Variants in LILRB2 observed in about 807,000 individuals in gnomAD.
LILRB2 encodes the protein leukocyte immunoglobulin like receptor B2, also known as leukocyte immunoglobulin-like receptor subfamily B member 2.
In LILRB2, 47 loss-of-function variants were observed where a neutral mutation model predicts 72.7. The observed-to-expected ratio is 0.65, with a 90% CI of 0.51 to 0.82. The LOEUF (loss-of-function observed/expected upper bound fraction) is 0.82, where lower values mean the gene tolerates loss of function less well. Ranked by LOEUF, LILRB2 falls within the 40% of genes least tolerant of loss-of-function variation. LILRB2 has a pLI of 0.00. For missense variants in LILRB2, 767 were observed against 764.8 expected, an observed-to-expected ratio of 1.00 and a Z score of -0.03; for synonymous variants, 279 against 313.7, an observed-to-expected ratio of 0.89 and a Z score of 1.17.
chr19:54,277,464 C>T, intron 9 of LILRB2, 86 bp downstream of exon 9: 5 of 1,531,348 alleles, frequency 3.3e-6, no homozygotes, highest in Non-Finnish European at 4.4e-6. Flanking sequence ...TACATCACCA[C>T]CTCCAGAGGA....
chr19:54,280,243 G>A (rs2080486422), intron 3 of LILRB2, 21 bp downstream of exon 3: 1 of 1,613,704 alleles, frequency 6.2e-7, no homozygotes. Flanking sequence ...AGGGACCTGG[G>A]AGAGCTGGGG....
At chr19:54,275,023 G>A (rs183838614) in intron 13 of LILRB2, 194 bp from the exon 14 acceptor site, 54 of 1,603,936 alleles carry the variant, frequency 3.4e-5, no homozygotes, top group South Asian at 3.0e-4. Context: ...GTGTTTCACC[G>A]GGGCATATGT....
Position 54,279,576 on chromosome 19 carries a change from G to T in LILRB2, c.427C>A (p.Gln143Lys). 6.2e-7 allele frequency: 1 copy of T among 1,614,164 alleles called. No homozygotes were observed. Among genetic ancestry groups the T allele is most frequent in the Non-Finnish European group, 8.5e-7 (1 of 1,180,006 alleles). Residue 143 changes from glutamine (Q) to lysine (K), a missense_variant, in exon 5 of 14, where the codon CAG becomes AAG. Gln to Lys is a moderately conservative substitution (Grantham distance 53). Transcript: ENST00000314446. ...CCAAATGCCACCTGTGACTCACACT[G>T]GAGGGTCACCCTTCCTCCTGAGGTC... ...VVTSGGRVTL[Q>K]CESQVAFGGF...
intron 9 of LILRB2, 52 bp downstream of exon 9, chr19:54,277,498 C>A: frequency 6.4e-7 from 1 of 1,550,710 alleles, no homozygotes; most frequent in Non-Finnish European, 8.7e-7. Flanking sequence ...ACAGAACCCA[C>A]CCCTGCCTCC....
chr19:54,277,217 A>G (rs1362703364), intron 9 of LILRB2: 3 of 1,536,212 alleles, frequency 2.0e-6, no homozygotes, highest in African/African-American at 1.4e-5. Context: ...CTGCAGGGAA[A>G]GAGCCTTACC....
Position 54,279,468 on chromosome 19 carries a change from C to T in LILRB2, c.535G>A (p.Ala179Thr), listed in dbSNP as rs771068803. The T allele has an allele frequency of 9.9e-6, 16 of 1,614,038 alleles. No individual in the cohort carries two copies. Among genetic ancestry groups the T allele is most frequent in the African/African-American group, 4.0e-5 (3 of 74,916 alleles). The change falls in exon 5 of 14, where the codon GCC becomes ACC. Residue 179 changes from alanine (A) to threonine (T), a missense_variant. Coordinates refer to ENST00000314446, the MANE Select transcript of LILRB2 (RefSeq NM_001080978.4). ...SQPHARGSSR[A>T]IFSVGPVSPN... The stretch of plus-strand genomic sequence containing the variant: ...CTCACGGGGCCCACGGAGAAGATGG[C>T]GCGGGACGACCCACGGGCATGGGGC...
rs1247431387 is a variant in LILRB2 at position 54,274,732 on chromosome 19, C to T, written c.1745G>A (p.Arg582Lys). ...KATEPPPSQE[R>K]EPPAEPSIYA... The stretch of plus-strand genomic sequence containing the variant: ...GATGCTGGGCTCAGCTGGAGGTTCC[C>T]TTTCCTGGGATGGAGGAGGCTCAGT... The change falls in exon 14 of 14, where the codon AGG becomes AAG. Residue 582 changes from arginine (R) to lysine (K), a missense_variant. By Grantham distance (26) the Arg-to-Lys change is conservative. This residue lies in a region of LILRB2 where 162 missense variants were observed against 176.7 expected (regional missense o/e 0.92). Coordinates refer to ENST00000314446, the MANE Select transcript of LILRB2 (RefSeq NM_001080978.4). The T allele has an allele frequency of 6.2e-7, 1 of 1,610,988 alleles. No homozygotes were observed. The highest frequency in any genetic ancestry group is 1.3e-5 in the African/African-American group (1 of 74,866).
chr19:54,276,216 C>T (rs374766843), intron 12 of LILRB2, 48 bp downstream of exon 12: 7 of 1,612,340 alleles, frequency 4.3e-6, no homozygotes, highest in Middle Eastern at 1.7e-4. Flanking sequence ...ACGGAAACTT[C>T]GGGGCCCCTA....
rs770609783 is a variant in LILRB2, at chr19:54,275,962, T to G, written c.1636A>C (p.Met546Leu). Reference protein sequence around the residue: ...KDTQPEDGVEMDTRAAASEAP... With the variant: ...KDTQPEDGVELDTRAAASEAP... ...GGGCGGGGTCTCACCCGAGTGTCCA[T>G]CTCCACCCCATCTTCAGGCTGTGTG... Residue 546 changes from methionine (M) to leucine (L), a missense_variant, in exon 13 of 14, where the codon ATG becomes CTG. Physicochemically the swap from Met to Leu is conservative, Grantham distance 15. Transcript: ENST00000314446. 18 of 1,613,930 alleles carry G rather than the reference T, an allele frequency of 1.1e-5. No individual in the cohort carries two copies. Among genetic ancestry groups the G allele is most frequent in the South Asian group, 3.3e-5 (3 of 91,084 alleles).
Position 54,281,043 on chromosome 19 carries a change from A to C in LILRB2, c.-131T>G, listed in dbSNP as rs13345054. 0.53 allele frequency: 253,113 copies of C among 476,324 alleles called. 64,326 individuals carry two copies. The highest frequency in any genetic ancestry group is 0.6 in the Non-Finnish European group (165,787 of 277,150). The allele number at this position is 476,324 out of a possible 1,614,324, so 29.5% of individuals were successfully genotyped here. On this transcript the variant is annotated 5_prime_UTR_variant, in exon 1 of 14. Transcript: ENST00000314446. ...GCAGGCAGACTCAGATCAGCAGAGAAGCATCTCGCCTCTGGCTGTGCTGTC... is the reference window on the plus strand; with the variant it reads ...GCAGGCAGACTCAGATCAGCAGAGACGCATCTCGCCTCTGGCTGTGCTGTC...
chr19:54,280,376 C>A (rs190958073), intron 2 of LILRB2, 77 bp from the exon 3 acceptor site: 1 of 1,614,028 alleles, frequency 6.2e-7, no homozygotes, highest in African/African-American at 1.3e-5. Flanking sequence ...TCTTTGTGAG[C>A]CCCTGGGGTC....
intron 6 of LILRB2, 55 bp from the exon 7 acceptor site, chr19:54,278,617 C>T: frequency 6.3e-7 from 1 of 1,589,554 alleles, no homozygotes; most frequent in Non-Finnish European, 8.6e-7. Flanking sequence ...GAGCTGAGAC[C>T]TCCCCAGGCC....
rs774719168 is a variant in LILRB2, at chr19:54,279,777, G to C, written c.355+14C>G. 6.2e-7 allele frequency: 1 copy of C among 1,613,688 alleles called. No individual in the cohort carries two copies. Among genetic ancestry groups the C allele is most frequent in the Non-Finnish European group, 8.5e-7 (1 of 1,179,714 alleles). ...GGCAGAGCCTGGGGCTGGGATCCCT[G>C]AGTGTCCTCTCACCTGTCATCACCA... is the stretch of plus-strand genomic sequence containing the variant. On this transcript the variant is annotated intron_variant, in intron 4 of 13. Coordinates refer to ENST00000314446, the MANE Select transcript of LILRB2 (RefSeq NM_001080978.4).
rs374858609 is a variant in LILRB2, at chr19:54,274,838, G to A, written c.1648-9C>T. On this transcript the variant is annotated splice_polypyrimidine_tract_variant and intron_variant, in intron 13 of 13. Coordinates refer to ENST00000314446, the MANE Select transcript of LILRB2 (RefSeq NM_001080978.4). ...GCTTCAGATGCAGCAGCCTGCAGCG[G>A]GGGAGAGTGAGAGGTAAGGAACGTG... 5 of 1,612,738 alleles carry A rather than the reference G, an allele frequency of 3.1e-6. No homozygotes were observed. The African/African-American group carries it at 5.4e-5, about 17-fold the overall frequency.
rs201322828 is a variant in LILRB2, at chr19:54,279,847, T to C, written c.299A>G (p.Tyr100Cys). The change falls in exon 4 of 14, where the codon TAT becomes TGT. Residue 100 changes from tyrosine (Y) to cysteine (C), a missense_variant. Physicochemically the swap from Tyr to Cys is radical, Grantham distance 194 (BLOSUM62 -2). This residue lies in a region of LILRB2 where 599 missense variants were observed against 568.2 expected (regional missense o/e 1.05). Coordinates refer to ENST00000314446, the MANE Select transcript of LILRB2 (RefSeq NM_001080978.4). Reference protein sequence around the residue: ...WEHTGRYGCQYYSRARWSELS... With the variant: ...WEHTGRYGCQCYSRARWSELS... ...CTCAGACCACCGAGCGCGGCTGTAA[T>C]ACTGACAGCCATATCGCCCTGTGTG... 6.2e-6 allele frequency: 10 copies of C among 1,613,978 alleles called. No individual in the cohort carries two copies. The African/African-American group carries it at 1.3e-4, about 22-fold the overall frequency.
At chr19:54,278,171 G>A (rs764756443) in intron 7 of LILRB2, 89 bp downstream of exon 7, 140 of 1,543,082 alleles carry the variant, frequency 9.1e-5, no homozygotes, top group Non-Finnish European at 1.1e-4. Flanking sequence ...TCAGACCCCC[G>A]CTCACTCCAT....
In LILRB2 at chr19:54,281,039, G is replaced by A. The variant is rs1301136093; in HGVS notation, c.-127C>T. The A allele has an allele frequency of 1.8e-6, 1 of 566,900 alleles. No individual in the cohort carries two copies. The highest frequency in any genetic ancestry group is 6.5e-5 in the East Asian group (1 of 15,364). 35.1% of individuals were successfully genotyped at this position (566,900 alleles called of 1,614,324 possible). A position where few individuals can be genotyped will look rare whatever the true frequency, so the allele number is the denominator to read the frequency against. ...TGCTGCAGGCAGACTCAGATCAGCA[G>A]AGAAGCATCTCGCCTCTGGCTGTGC... On this transcript the variant is annotated 5_prime_UTR_variant, in exon 1 of 14. Coordinates refer to ENST00000314446, the MANE Select transcript of LILRB2 (RefSeq NM_001080978.4).
chr19:54,274,467 T>C lies in LILRB2; in HGVS notation c.*216A>G, dbSNP rs2080120818. ...TAGTTTTCTCGGTTAACTCATTGATTATTGAGAAGTCTGTTGCTTTAATTA... is the reference window on the plus strand; with the variant it reads ...TAGTTTTCTCGGTTAACTCATTGATCATTGAGAAGTCTGTTGCTTTAATTA... On this transcript the variant is annotated 3_prime_UTR_variant, in exon 14 of 14. Coordinates refer to ENST00000314446, the MANE Select transcript of LILRB2 (RefSeq NM_001080978.4). 1.2e-6 allele frequency: 1 copy of C among 834,128 alleles called. No homozygotes were observed. The highest frequency in any genetic ancestry group is 2.1e-5 in the South Asian group (1 of 48,628). The allele number at this position is 834,128 out of a possible 1,614,324, so 51.7% of individuals were successfully genotyped here. A position where few individuals can be genotyped will look rare whatever the true frequency, so the allele number is the denominator to read the frequency against.
chr19:54,276,524 G>C, intron 10 of LILRB2, 68 bp from the exon 11 acceptor site: 1 of 1,313,108 alleles, frequency 7.6e-7, no homozygotes, highest in South Asian at 1.5e-5. Flanking sequence ...CACACAGCTC[G>C]AAGGTAAGGA....
Sources: allele counts gnomAD v4.1 joint callset, GRCh38; gene constraint gnomAD v4.1.1; regional missense constraint gnomAD v4.1.1; transcripts MANE v1.5; gene names NCBI Gene and HGNC (gene_info 2026-07-23, HGNC 2026-07-21).